PPFIA2: variants seen among roughly 807,000 people sequenced by gnomAD.
PPFIA2 encodes PPFI scaffold protein A2.
PPFIA2 carries 46 observed loss-of-function variants against 175.5 expected under a neutral mutation model. That is an observed-to-expected ratio of 0.26 (90% confidence interval 0.21 to 0.34). The LOEUF (loss-of-function observed/expected upper bound fraction) is 0.34. PPFIA2 is among the 10% of genes least tolerant of loss of function. The probability of loss-of-function intolerance (pLI) is 1.00; values close to 1 mark genes in which losing one functional copy is unlikely to be tolerated. For missense variants in PPFIA2, 1,179 were observed against 1,506.1 expected, an observed-to-expected ratio of 0.78 and a Z score of 3.60; for synonymous variants, 568 against 511.4, an observed-to-expected ratio of 1.11 and a Z score of -1.49.
intron 7 of PPFIA2, among the ~76,000 whole-genome samples, chr12:81,408,183 G>C (rs936623146): frequency 8.6e-5 from 13 of 151,828 alleles, no homozygotes; most frequent in African/African-American, 3.1e-4. Flanking sequence ...TACATCAAAG[G>C]AATGACAAGA....
intron 19 of PPFIA2, among the ~76,000 whole-genome samples, chr12:81,342,984 A>G (rs1337116424): frequency 6.6e-6 from 1 of 151,486 alleles, no homozygotes; most frequent in African/African-American, 2.4e-5. Context: ...ATAATAAATC[A>G]TGTACAAAAC....
intron 23 of PPFIA2, among the ~76,000 whole-genome samples, chr12:81,295,949 C>T (rs2046335835): frequency 6.6e-6 from 1 of 151,854 alleles, no homozygotes; most frequent in Non-Finnish European, 1.5e-5. Flanking sequence ...GAGATCAGGC[C>T]TTTAGACTCC....
chr12:81,410,920 T>C (rs915240456), intron 7 of PPFIA2, among the ~76,000 whole-genome samples: 1 of 152,072 alleles, frequency 6.6e-6, no homozygotes, highest in Non-Finnish European at 1.5e-5. Flanking sequence ...ACAAATTGCT[T>C]CTGGTCCTGA....
chr12:81,445,223 G>GGAGAGA (rs1191653426), intron 6 of PPFIA2, among the ~76,000 whole-genome samples: 25 of 62,774 alleles, frequency 4.0e-4, no homozygotes, highest in African/African-American at 1.8e-3. Context: ...GGGGGAGGGG[G>GGAGAGA]GAGAGAGAGA....
intron 17 of PPFIA2, 81 bp from the exon 18 acceptor site, chr12:81,347,851 C>T (rs1375833196): frequency 2.0e-6 from 3 of 1,523,324 alleles, no homozygotes; most frequent in Non-Finnish European, 2.6e-6. Context: ...CATTGGAATT[C>T]ACATAATAAA....
intron 3 of PPFIA2, among the ~76,000 whole-genome samples, chr12:81,713,209 C>T (rs942804761): frequency 2.6e-5 from 4 of 150,984 alleles, no homozygotes; most frequent in African/African-American, 9.7e-5. Flanking sequence ...GCTTTAAGCA[C>T]ATTAATTTAA....
chr12:81,415,944 A>G (rs941686083), intron 7 of PPFIA2, among the ~76,000 whole-genome samples: 3 of 151,494 alleles, frequency 2.0e-5, no homozygotes, highest in Non-Finnish European at 4.4e-5. Context: ...TTGATAATGC[A>G]TCATTTATTT....
intron 23 of PPFIA2, chr12:81,298,028 C>T (rs1273290183): frequency 6.6e-6 from 1 of 152,158 alleles, no homozygotes; most frequent in Non-Finnish European, 1.5e-5. Flanking sequence ...ACCTTAATGT[C>T]AGTAAATCTG....
At chr12:81,652,008 A>G (rs2153533768) in intron 4 of PPFIA2, among the ~76,000 whole-genome samples, 1 of 151,716 alleles carries the variant, frequency 6.6e-6, no homozygotes, top group South Asian at 2.1e-4. Context: ...TAGGCAGGTT[A>G]TTTGCTCTTT....
intron 5 of PPFIA2, among the ~76,000 whole-genome samples, chr12:81,451,739 G>A (rs901366265): frequency 6.6e-6 from 1 of 152,120 alleles, no homozygotes; most frequent in Admixed American, 6.6e-5. Flanking sequence ...CTTAATACTT[G>A]TTGAATTGGG....
intron 7 of PPFIA2, among the ~76,000 whole-genome samples, chr12:81,432,459 CTAACT>C (rs2048256520): frequency 1.4e-5 from 2 of 144,988 alleles, no homozygotes; most frequent in African/African-American, 5.3e-5. Flanking sequence ...CGGAGCAGAA[CTAACT>C]TTTTTTTTTT....
intron 28 of PPFIA2, among the ~76,000 whole-genome samples, chr12:81,276,043 C>A (rs1015170586): frequency 4.6e-5 from 7 of 152,148 alleles, no homozygotes; most frequent in Non-Finnish European, 7.3e-5. Flanking sequence ...CTCGGCCTCC[C>A]AAAGTGCTGC....
intron 8 of PPFIA2, among the ~76,000 whole-genome samples, chr12:81,399,655 A>G (rs757053085): frequency 1.1e-4 from 16 of 151,938 alleles, no homozygotes; most frequent in Non-Finnish European, 1.6e-4. Context: ...CAATCATTGA[A>G]CCTCTGGGCC....
intron 4 of PPFIA2, among the ~76,000 whole-genome samples, chr12:81,459,271 T>C (rs897363564): frequency 4.6e-5 from 7 of 152,094 alleles, no homozygotes; most frequent in African/African-American, 1.7e-4. Context: ...ATAAAGCAAA[T>C]AGAAAACAAT....
rs1196319195 is a variant in PPFIA2 at position 81,675,243 on chromosome 12, G to T, written c.303+1548C>A. On this transcript the variant is annotated intron_variant, in intron 4 of 32. Coordinates refer to ENST00000549396, the MANE Select transcript of PPFIA2 (RefSeq NM_003625.5). ...ACACATATATATATAGAGAGAGAGAGATAAAGTTGTATAACTCATGCCTAT... is the reference window on the plus strand; with the variant it reads ...ACACATATATATATAGAGAGAGAGATATAAAGTTGTATAACTCATGCCTAT... Among the ~76,000 whole-genome samples the T allele has an allele frequency of 4.7e-5, 7 of 149,690 alleles. No homozygotes were observed. In the East Asian group the frequency reaches 1.2e-3, roughly 26 times the overall value.
intron 4 of PPFIA2, chr12:81,512,264 C>T: frequency 8.0e-7 from 1 of 1,256,960 alleles, no homozygotes; most frequent in Non-Finnish European, 1.0e-6. Context: ...CTAAACACCT[C>T]ATGCTGACAC....
Position 81,415,213 on chromosome 12 carries a change from A to T in PPFIA2, c.646-9310T>A. 9.8e-5 allele frequency among the ~76,000 whole-genome samples: 2 copies of T among 20,470 alleles called. 1 individual carries two copies. The highest frequency in any genetic ancestry group is 1.0e-3 in the Admixed American group (2 of 1,986). 13.4% of individuals were successfully genotyped at this position (20,470 alleles called of 152,430 possible). Reference sequence around the variant, plus strand: ...AAAAAAAAAAAAAAAAAAAAAAAATATATATATATATATATATATATATAT... The same window carrying T: ...AAAAAAAAAAAAAAAAAAAAAAAATTTATATATATATATATATATATATAT... On this transcript the variant is annotated intron_variant, in intron 7 of 32. Transcript: ENST00000549396.
intron 10 of PPFIA2, 183 bp downstream of exon 10, chr12:81,375,613 T>C (rs1295708205): frequency 1.4e-5 from 9 of 649,016 alleles, no homozygotes; most frequent in Non-Finnish European, 7.8e-6. Flanking sequence ...TTAAGATAAA[T>C]AATTTATCTT....
At chr12:81,442,902 A>G (rs866843066) in intron 6 of PPFIA2, among the ~76,000 whole-genome samples, 1 of 50,746 alleles carries the variant, frequency 2.0e-5, no homozygotes, top group African/African-American at 7.2e-5. Flanking sequence ...TATATATAGT[A>G]TTACTTGTTT....
Sources: gnomAD v4.1 joint callset for allele counts (sites outside exome capture counted in the v4.1 genomes callset) on GRCh38, gnomAD v4.1.1 for gene constraint, MANE v1.5 for transcripts, NCBI Gene and HGNC (gene_info 2026-07-23, HGNC 2026-07-21) for gene names.